Variants in ADAMTS8 observed in about 807,000 individuals in gnomAD.
The protein encoded by ADAMTS8 is A disintegrin and metalloproteinase with thrombospondin motifs 8.
Under a neutral mutation model 64.4 loss-of-function variants are expected in ADAMTS8, and 50 were observed. The observed-to-expected ratio is 0.78, with a 90% confidence interval of 0.62 to 0.98. The LOEUF is 0.98. Among genes scored for constraint, ADAMTS8 ranks in the 50% least tolerant of loss-of-function variants. ADAMTS8 has a pLI of 0.00. For missense variants in ADAMTS8, 1,192 were observed against 1,208.2 expected (o/e 0.99, Z 0.20); for synonymous variants, 556 against 533.6 (o/e 1.04, Z -0.58).
At position 130,416,113 on chromosome 11, in the gene ADAMTS8, A is replaced by G. The variant is rs1292185032; in HGVS notation, c.1264+50T>C. 2.0e-6 allele frequency: 3 copies of G among 1,505,898 alleles called. No homozygotes were observed. The highest frequency in any genetic ancestry group is 4.9e-5 in the East Asian group (2 of 41,228). 93.3% of individuals were successfully genotyped at this position (1,505,898 alleles called of 1,614,324 possible). A position where few individuals can be genotyped will look rare whatever the true frequency, so the allele number is the denominator to read the frequency against. On this transcript the variant is annotated intron_variant, in intron 4 of 8. Coordinates refer to ENST00000257359, the MANE Select transcript of ADAMTS8 (RefSeq NM_007037.6). The surrounding 1 kb of genome is among the most constrained non-coding windows in gnomAD (Gnocchi z 4.8). Reference sequence around the variant, plus strand: ...TGGAGGGGGTCTCTGCGCCAGCACCAGTGGAAGGAGGCCCACGGGGACAAG... The same window carrying G: ...TGGAGGGGGTCTCTGCGCCAGCACCGGTGGAAGGAGGCCCACGGGGACAAG...
In ADAMTS8 at chr11:130,427,792, G is replaced by C. The variant is rs375521636; in HGVS notation, c.495C>G (p.Pro165=). 7.0e-6 allele frequency: 11 copies of C among 1,580,998 alleles called. No individual in the cohort carries two copies. The highest frequency in any genetic ancestry group is 9.4e-6 in the Non-Finnish European group (11 of 1,164,970). ...PAGARPLPRG[P]EWEVETGEGQ... ...CCTCTCCCGTCTCCACCTCCCACTC[G>C]GGTCCTCGCGGGAGGGGGCGGGCTC... Residue 165 remains proline, a synonymous_variant, in exon 1 of 9, where the codon CCC becomes CCG. Transcript: ENST00000257359.
In ADAMTS8 at chr11:130,419,310, A is replaced by G. The variant is rs1408679947; in HGVS notation, c.721-18T>C. 3.1e-6 allele frequency: 5 copies of G among 1,613,524 alleles called. No individual in the cohort carries two copies. In the South Asian group the frequency reaches 4.4e-5, roughly 14 times the overall value. Reference sequence around the variant, plus strand: ...ATGTGGTTCTGTCAGGAAGGAGGAGACAAGAGGCGGAGTGAAGGGTTAAGT... The same window carrying G: ...ATGTGGTTCTGTCAGGAAGGAGGAGGCAAGAGGCGGAGTGAAGGGTTAAGT... On this transcript the variant is annotated intron_variant, in intron 1 of 8. Transcript: ENST00000257359.
intron 8 of ADAMTS8, among the ~76,000 whole-genome samples, chr11:130,407,093 C>T (rs187157076): frequency 7.0e-4 from 106 of 152,234 alleles, no homozygotes; most frequent in Middle Eastern, 3.4e-3. Context: ...CAAGGCAGGG[C>T]GCAGTGGCTC....
Position 130,416,874 on chromosome 11 carries a change from A to G in ADAMTS8, c.1096+66T>C. ...CCGCATATTCCTTAGGATCTACGCA[A>G]CCTTGGATCTGGAAGAGCAGTTCCC... On this transcript the variant is annotated intron_variant, in intron 3 of 8. Transcript: ENST00000257359. This position sits in a 1 kb window ranked among gnomAD's most constrained non-coding sequence, Gnocchi z 4.8. 6.2e-7 allele frequency: 1 copy of G among 1,609,592 alleles called. No homozygotes were observed. The highest frequency in any genetic ancestry group is 8.5e-7 in the Non-Finnish European group (1 of 1,176,812).
chr11:130,417,028 G>A lies in ADAMTS8; in HGVS notation c.1008C>T (p.Asp336=), dbSNP rs1162458674. 6.2e-7 allele frequency: 1 copy of A among 1,614,020 alleles called. No individual in the cohort carries two copies. Among genetic ancestry groups the A allele is most frequent in the East Asian group, 2.2e-5 (1 of 44,854 alleles). The change falls in exon 3 of 9, where the codon GAC becomes GAT. Residue 336 remains aspartate (D), a synonymous_variant. Coordinates refer to ENST00000257359, the MANE Select transcript of ADAMTS8 (RefSeq NM_007037.6). ...TGTTGGGGTCACAAATGGTCCCGATGTCTGCCACACCCAGGGTGTCACACA... is the reference window on the plus strand; with the variant it reads ...TGTTGGGGTCACAAATGGTCCCGATATCTGCCACACCCAGGGTGTCACACA... ...EGLCDTLGVA[D]IGTICDPNKS... is the part of the protein sequence containing the mutation.
chr11:130,410,146 C>A (rs1271847592), intron 6 of ADAMTS8, among the ~76,000 whole-genome samples: 1 of 152,190 alleles, frequency 6.6e-6, no homozygotes, highest in Non-Finnish European at 1.5e-5. Flanking sequence ...AGTCCTAACT[C>A]CTTTCAAAGC....
intron 2 of ADAMTS8, among the ~76,000 whole-genome samples, chr11:130,417,730 C>T (rs1266234280): frequency 1.3e-5 from 2 of 152,060 alleles, no homozygotes; most frequent in African/African-American, 2.4e-5. Context: ...CCTGGCTGAC[C>T]TTTTTTAAGG....
rs1464166707 is a variant in ADAMTS8, at chr11:130,428,154, G to T, written c.133C>A (p.Arg45=). 3 of 1,477,670 alleles carry T rather than the reference G, an allele frequency of 2.0e-6. No individual in the cohort carries two copies. Among genetic ancestry groups the T allele is most frequent in the East Asian group, 2.9e-5 (1 of 34,572 alleles). The allele number at this position is 1,477,670 out of a possible 1,614,324, so 91.5% of individuals were successfully genotyped here. The change falls in exon 1 of 9, where the codon CGG becomes AGG. Residue 45 remains arginine, a synonymous_variant. Coordinates refer to ENST00000257359, the MANE Select transcript of ADAMTS8 (RefSeq NM_007037.6). ...GQASELVVPT[R]LPGSAGELAL... is the part of the protein sequence containing the mutation. ...AGCTCGCCCGCGCTGCCGGGCAACCGCGTGGGCACCACCAGCTCCGAGGCC... is the reference window on the plus strand; with the variant it reads ...AGCTCGCCCGCGCTGCCGGGCAACCTCGTGGGCACCACCAGCTCCGAGGCC...
chr11:130,415,381 G>A (rs888250282), intron 4 of ADAMTS8, among the ~76,000 whole-genome samples: 2 of 151,928 alleles, frequency 1.3e-5, no homozygotes, highest in African/African-American at 2.4e-5. Context: ...TCGGCTCACC[G>A]CAACCTCCAC....
rs1214274499 is a variant in ADAMTS8, at chr11:130,405,543, C to T, written c.*15G>A. The T allele has an allele frequency of 4.4e-6, 7 of 1,580,520 alleles. No individual in the cohort carries two copies. In the Admixed American group the frequency reaches 5.2e-5, roughly 12 times the overall value. On this transcript the variant is annotated 3_prime_UTR_variant, in exon 9 of 9. Coordinates refer to ENST00000257359, the MANE Select transcript of ADAMTS8 (RefSeq NM_007037.6). ...GCATGTCCAGGAGCACAAGACTGGC[C>T]CCTGCCCCCCTGAATCACAGGGGGC...
In ADAMTS8 at chr11:130,411,692, T is replaced by A; in HGVS notation, c.1567-92A>T. ...GGTGGCCAATGCCCTGGCTTCCTCA[T>A]CTAGTCATTATCATCTTGGTGCATG... is the stretch of plus-strand genomic sequence containing the variant. On this transcript the variant is annotated intron_variant, in intron 5 of 8. Transcript: ENST00000257359. The surrounding 1 kb of genome is among the most constrained non-coding windows in gnomAD (Gnocchi z 4.2). 1 of 1,307,580 alleles carries A rather than the reference T, an allele frequency of 7.6e-7. No individual in the cohort carries two copies. Among genetic ancestry groups the A allele is most frequent in the Non-Finnish European group, 1.1e-6 (1 of 932,604 alleles). The allele number at this position is 1,307,580 out of a possible 1,614,324, so 81.0% of individuals were successfully genotyped here.
At chr11:130,424,768 A>C (rs1209363038) in intron 1 of ADAMTS8, among the ~76,000 whole-genome samples, 1 of 152,140 alleles carries the variant, frequency 6.6e-6, no homozygotes, top group Non-Finnish European at 1.5e-5. Flanking sequence ...GTCCTGCAGC[A>C]TCTCCAAGGC....
rs1430418585 is a variant in ADAMTS8 at position 130,428,599 on chromosome 11, C to G, written c.-313G>C. The G allele has an allele frequency of 8.3e-6, 2 of 241,464 alleles. No homozygotes were observed. The highest frequency in any genetic ancestry group is 1.3e-5 in the Non-Finnish European group (2 of 149,638). 15.0% of individuals were successfully genotyped at this position (241,464 alleles called of 1,614,324 possible). ...GCCGCCTCCTGCCTCCTCCCCACCC[C>G]GGGAAGCACCGAGTGGGCTGCCGAG... On this transcript the variant is annotated 5_prime_UTR_variant, in exon 1 of 9. Transcript: ENST00000257359.
rs754772361 is a variant in ADAMTS8, at chr11:130,419,290, G to A, written c.723C>T (p.Asn241=). 1 of 1,613,968 alleles carries A rather than the reference G, an allele frequency of 6.2e-7. No individual in the cohort carries two copies. The highest frequency in any genetic ancestry group is 8.5e-7 in the Non-Finnish European group (1 of 1,180,032). ...CCACAGACATTAACGTCAGGATGTG[G>A]TTCTGTCAGGAAGGAGGAGACAAGA... is the stretch of plus-strand genomic sequence containing the variant. ...MAAFYGADLQ[N]HILTLMSVAA... The change falls in exon 2 of 9, where the codon AAC becomes AAT. Residue 241 remains asparagine, a splice_region_variant and synonymous_variant. Coordinates refer to ENST00000257359, the MANE Select transcript of ADAMTS8 (RefSeq NM_007037.6).
At chr11:130,406,783 C>T (rs182445324) in intron 8 of ADAMTS8, among the ~76,000 whole-genome samples, 57 of 152,292 alleles carry the variant, frequency 3.7e-4, no homozygotes, top group African/African-American at 1.3e-3. Context: ...TTTTGGGAAA[C>T]TGTTTCCAGT....
Position 130,411,586 on chromosome 11 carries a change from T to TC in ADAMTS8, c.1580dup (p.Gly528ArgfsTer25). The TC allele has an allele frequency of 6.2e-7, 1 of 1,614,048 alleles. No individual in the cohort carries two copies. On this transcript the variant is annotated frameshift_variant, in exon 6 of 9. Coordinates refer to ENST00000257359, the MANE Select transcript of ADAMTS8 (RefSeq NM_007037.6). LOFTEE classifies it high-confidence loss of function. The surrounding 1 kb of genome is among the most constrained non-coding windows in gnomAD (Gnocchi z 4.2). ...CCCAGGGTCCCCACGGTGCCCAGCC[T>TC]CCATCTGCCACGGGCTGCAACATAC...
At chr11:130,422,044 C>G (rs185273968) in intron 1 of ADAMTS8, among the ~76,000 whole-genome samples, 1 of 152,330 alleles carries the variant, frequency 6.6e-6, no homozygotes, top group Non-Finnish European at 1.5e-5. Flanking sequence ...ACAACCTGCT[C>G]TTGAATGACT....
intron 1 of ADAMTS8, 59 bp from the exon 2 acceptor site, chr11:130,419,351 C>T (rs1862070626): frequency 1.2e-6 from 2 of 1,602,124 alleles, no homozygotes; most frequent in South Asian, 2.2e-5. Flanking sequence ...GGCCCTTGGC[C>T]TGGCCTGTCC....
intron 1 of ADAMTS8, among the ~76,000 whole-genome samples, chr11:130,427,337 G>A (rs1862180379): frequency 6.6e-6 from 1 of 152,252 alleles, no homozygotes; most frequent in Non-Finnish European, 1.5e-5. Context: ...AAGGGACCTG[G>A]GGGTGGGGGC....
Sources: gnomAD v4.1 joint callset for allele counts (sites outside exome capture counted in the v4.1 genomes callset) on GRCh38, gnomAD v4.1.1 for gene constraint, Gnocchi (gnomAD v3.1) non-coding constraint, MANE v1.5 for transcripts, NCBI Gene and HGNC (gene_info 2026-07-23, HGNC 2026-07-21) for gene names.